The following DECR1 variants were observed in gnomAD, a reference collection of about 807,000 sequenced individuals.
DECR1 encodes 2,4-dienoyl-CoA reductase 1.
Under a neutral mutation model 38.8 loss-of-function variants are expected in DECR1, and 44 were observed. The observed-to-expected ratio is 1.13, with a 90% CI of 0.89 to 1.46. The LOEUF is 1.46. Among genes scored for constraint, DECR1 ranks in the 40% most tolerant of loss-of-function variants. The pLI is 0.00. For missense variants in DECR1, 428 were observed against 405.5 expected, an observed-to-expected ratio of 1.06 and a Z score of -0.48; for synonymous variants, 148 against 135.2, an observed-to-expected ratio of 1.09 and a Z score of -0.66.
intron 5 of DECR1, chr8:90,029,563 G>C (rs1357082693): frequency 6.6e-6 from 1 of 152,234 alleles, no homozygotes; most frequent in African/African-American, 2.4e-5. Context: ...TAGAGAAGAA[G>C]AAACAGTTTT....
chr8:90,020,806 T>C (rs560784361), intron 4 of DECR1, 103 bp from the exon 5 acceptor site: 1 of 925,558 alleles, frequency 1.1e-6, no homozygotes, highest in Non-Finnish European at 1.5e-6. Context: ...GGACTTCAAC[T>C]TTATTGTATT....
chr8:90,012,130 G>A (rs1324883945), intron 1 of DECR1, among the ~76,000 whole-genome samples: 1 of 151,442 alleles, frequency 6.6e-6, no homozygotes, highest in African/African-American at 2.4e-5. Flanking sequence ...TACTTGTATA[G>A]ATTGATTTAG....
intron 2 of DECR1, 74 bp downstream of exon 2, chr8:90,017,400 G>A (rs1813035743): frequency 9.0e-7 from 1 of 1,107,352 alleles, no homozygotes; most frequent in Admixed American, 2.5e-5. Context: ...TGAAAACACT[G>A]TTCGCCAGAG....
intron 5 of DECR1, among the ~76,000 whole-genome samples, chr8:90,021,448 A>T (rs1423618808): frequency 6.6e-6 from 1 of 152,212 alleles, no homozygotes; most frequent in Non-Finnish European, 1.5e-5. Context: ...CTTTGATGTC[A>T]TTAGAGATGG....
intron 1 of DECR1, chr8:90,006,285 C>T (rs1563613121): frequency 4.3e-6 from 3 of 703,896 alleles, no homozygotes; most frequent in Non-Finnish European, 5.2e-6. Context: ...GAGGTATGTC[C>T]AGTTTTATGA....
At chr8:90,005,362 G>A (rs578020235) in intron 1 of DECR1, 39 of 456,304 alleles carry the variant, frequency 8.5e-5, no homozygotes, top group South Asian at 4.6e-4. Flanking sequence ...GAGTCCAATG[G>A]CATTATGGTA....
chr8:90,036,107 C>G (rs1813611666), intron 5 of DECR1, among the ~76,000 whole-genome samples: 1 of 152,110 alleles, frequency 6.6e-6, no homozygotes, highest in Non-Finnish European at 1.5e-5. Context: ...GCTTATTTGT[C>G]TAAAGACTCT....
chr8:90,003,683 G>C (rs754641244), intron 1 of DECR1, among the ~76,000 whole-genome samples: 2 of 152,088 alleles, frequency 1.3e-5, no homozygotes, highest in African/African-American at 4.8e-5. Flanking sequence ...CAATTTAGTG[G>C]AGCAAAACAG....
At chr8:90,018,181 C>G (rs1395237866) in intron 2 of DECR1, among the ~76,000 whole-genome samples, 3 of 152,226 alleles carry the variant, frequency 2.0e-5, no homozygotes, top group African/African-American at 7.2e-5. Context: ...AGCCACCGCG[C>G]CCAGCCAGTA....
chr8:90,044,014 T>C (rs1813826467), intron 7 of DECR1, among the ~76,000 whole-genome samples: 1 of 152,206 alleles, frequency 6.6e-6, no homozygotes, highest in South Asian at 2.1e-4. Flanking sequence ...CTAAGGAGTT[T>C]ACAGTCTAGC....
At position 90,042,769 on chromosome 8, in the gene DECR1, A is replaced by G; in HGVS notation, c.707A>G (p.Asn236Ser). The change falls in exon 7 of 10, where the codon AAT becomes AGT. Residue 236 changes from asparagine to serine, a missense_variant. Transcript: ENST00000220764. ...TGGGGTAAATATGGAATGCGATTCA[A>G]TGTGATTCAACCAGGGCCTATAAAA... is the stretch of plus-strand genomic sequence containing the variant. ...AEWGKYGMRF[N>S]VIQPGPIKTK... is the part of the protein sequence containing the mutation. 6.2e-7 allele frequency: 1 copy of G among 1,613,640 alleles called. No individual in the cohort carries two copies. Among genetic ancestry groups the G allele is most frequent in the Non-Finnish European group, 8.5e-7 (1 of 1,179,646 alleles).
At chr8:90,023,281 G>A (rs1217859670) in intron 5 of DECR1, among the ~76,000 whole-genome samples, 10 of 152,130 alleles carry the variant, frequency 6.6e-5, no homozygotes, top group Non-Finnish European at 1.3e-4. Context: ...TTTTCTAAAT[G>A]TTATTTTCTA....
chr8:90,017,695 A>G (rs1349114557), intron 2 of DECR1, among the ~76,000 whole-genome samples: 1 of 152,206 alleles, frequency 6.6e-6, no homozygotes, highest in Non-Finnish European at 1.5e-5. Flanking sequence ...AAGCTGAGGC[A>G]GGAAGATCAC....
At chr8:90,010,481 C>T (rs894286820) in intron 1 of DECR1, among the ~76,000 whole-genome samples, 7 of 152,138 alleles carry the variant, frequency 4.6e-5, no homozygotes, top group Non-Finnish European at 8.8e-5. Flanking sequence ...TTCTAGCAAT[C>T]GGACAAAATA....
At chr8:90,037,026 C>T (rs1813634593) in intron 6 of DECR1, 86 bp downstream of exon 6, 7 of 886,438 alleles carry the variant, frequency 7.9e-6, no homozygotes, top group Middle Eastern at 2.2e-4. Context: ...TTCTGGTGTC[C>T]ATCCAGAGAA....
chr8:90,043,296 T>C (rs1813810050), intron 7 of DECR1, among the ~76,000 whole-genome samples: 1 of 152,190 alleles, frequency 6.6e-6, no homozygotes, highest in African/African-American at 2.4e-5. Context: ...CAGTCAATTA[T>C]GCATGTCATC....
chr8:90,050,643 A>T (rs1405907151), intron 8 of DECR1, among the ~76,000 whole-genome samples: 2 of 152,210 alleles, frequency 1.3e-5, no homozygotes, highest in East Asian at 3.8e-4. Context: ...AGAACTAGAA[A>T]TACCATTTGA....
chr8:90,041,381 C>T (rs1295038525), intron 6 of DECR1, among the ~76,000 whole-genome samples: 1 of 152,004 alleles, frequency 6.6e-6, no homozygotes, highest in African/African-American at 2.4e-5. Context: ...GGATATTAGC[C>T]ATTTATCAGA....
chr8:90,022,968 A>T (rs1035485072), intron 5 of DECR1, among the ~76,000 whole-genome samples: 2 of 152,214 alleles, frequency 1.3e-5, no homozygotes, highest in Non-Finnish European at 2.9e-5. Flanking sequence ...GCCAGTTTTT[A>T]TTCTTCCAAG....
Sources: gnomAD v4.1 joint callset for allele counts (sites outside exome capture counted in the v4.1 genomes callset) on GRCh38, gnomAD v4.1.1 for gene constraint, MANE v1.5 for transcripts, NCBI Gene and HGNC (gene_info 2026-07-23, HGNC 2026-07-21) for gene names.